SRRM3: variants seen among roughly 807,000 people sequenced by gnomAD.
The protein encoded by SRRM3 is serine/arginine repetitive matrix 3.
A neutral mutation model predicts 66.2 loss-of-function variants in SRRM3; 27 were observed. The observed-to-expected ratio is 0.41, with a 90% confidence interval of 0.30 to 0.56. SRRM3 has a LOEUF of 0.56. SRRM3 is among the 20% of genes least tolerant of loss of function. SRRM3 has a pLI of 0.32. For missense variants in SRRM3, 918 were observed against 991.9 expected (o/e 0.93, Z 1.00); for synonymous variants, 391 against 414.9 (o/e 0.94, Z 0.70).
At chr7:76,267,165 C>T (rs1180191084) in intron 10 of SRRM3, 93 bp from the exon 11 acceptor site, 10 of 1,219,420 alleles carry the variant, frequency 8.2e-6, no homozygotes, top group Admixed American at 3.9e-5. Flanking sequence ...CTCTCTTTCC[C>T]CGTGCTGGGG....
At chr7:76,276,841 G>A (rs782159399) in intron 11 of SRRM3, among the ~76,000 whole-genome samples, 20 of 152,122 alleles carry the variant, frequency 1.3e-4, no homozygotes, top group Non-Finnish European at 2.4e-4. Context: ...GGTGGACACC[G>A]CATAGGGTCC....
chr7:76,259,428 A>G (rs1801798197), intron 3 of SRRM3, among the ~76,000 whole-genome samples: 2 of 151,818 alleles, frequency 1.3e-5, no homozygotes, highest in Admixed American at 6.6e-5. Flanking sequence ...AATTTTTCAA[A>G]TTAGCCAGGG....
chr7:76,208,528 A>T (rs1279806847), intron 1 of SRRM3, among the ~76,000 whole-genome samples: 1 of 151,366 alleles, frequency 6.6e-6, no homozygotes, highest in East Asian at 1.9e-4. Flanking sequence ...AAGAAGAAGA[A>T]GAAAGAAAGA....
chr7:76,231,319 T>C (rs782041179), intron 1 of SRRM3, among the ~76,000 whole-genome samples: 4 of 152,126 alleles, frequency 2.6e-5, no homozygotes, highest in Non-Finnish European at 5.9e-5. Flanking sequence ...TTCACATAGC[T>C]CTCCTTTCCT....
rs537797136 is a variant in SRRM3, at chr7:76,244,027, G to A, written c.234-4161G>A. Among the ~76,000 whole-genome samples, 4 of 152,358 alleles carry A rather than the reference G, an allele frequency of 2.6e-5. No individual in the cohort carries two copies. In the South Asian group the frequency reaches 6.2e-4, roughly 24 times the overall value. On this transcript the variant is annotated intron_variant, in intron 2 of 14. Transcript: ENST00000611745. Reference sequence around the variant, plus strand: ...CCACACAGGGACTGAGGTGGACACTGAGGAGCCAGGGCCCTGAACTTGGTG... The same window carrying A: ...CCACACAGGGACTGAGGTGGACACTAAGGAGCCAGGGCCCTGAACTTGGTG...
At chr7:76,224,418 C>G (rs1022249559) in intron 1 of SRRM3, among the ~76,000 whole-genome samples, 18 of 142,374 alleles carry the variant, frequency 1.3e-4, no homozygotes, top group African/African-American at 4.7e-4. Flanking sequence ...TAACATCATT[C>G]TCTTCATGAA....
rs868948427 is a variant in SRRM3, at chr7:76,243,596, C to A, written c.234-4592C>A. ...GGTCTCCCTGAAACCCATTTGTGCC[C>A]ATTTCCCAGCCTTCCATGTGCCAAA... On this transcript the variant is annotated intron_variant, in intron 2 of 14. Transcript: ENST00000611745. Among the ~76,000 whole-genome samples, 5 of 152,164 alleles carry A rather than the reference C, an allele frequency of 3.3e-5. No individual in the cohort carries two copies. The South Asian group carries it at 8.3e-4, about 25-fold the overall frequency.
At chr7:76,251,188 A>G (rs571198698) in intron 3 of SRRM3, among the ~76,000 whole-genome samples, 13 of 152,292 alleles carry the variant, frequency 8.5e-5, no homozygotes, top group Middle Eastern at 3.4e-3. Context: ...CCACTTCCAC[A>G]TGCTCTTTGT....
At chr7:76,207,336 G>C (rs534663142) in intron 1 of SRRM3, among the ~76,000 whole-genome samples, 1 of 151,846 alleles carries the variant, frequency 6.6e-6, no homozygotes, top group Admixed American at 6.6e-5. Context: ...GAGAGAGAGA[G>C]AGAATGGCAT....
intron 11 of SRRM3, chr7:76,270,030 G>T (rs528181268): frequency 2.0e-5 from 3 of 151,806 alleles, no homozygotes; most frequent in Non-Finnish European, 2.9e-5. Context: ...AGTCAGCAGC[G>T]GCAGCAAATC....
At chr7:76,282,566 G>GGC in intron 12 of SRRM3, 82 bp from the exon 13 acceptor site, 1 of 338,694 alleles carries the variant, frequency 3.0e-6, no homozygotes, top group Non-Finnish European at 4.5e-6. Context: ...TCCGCCCTAA[G>GGC]CCCCGCCCCA....
chr7:76,228,176 G>C (rs574742008), intron 1 of SRRM3, among the ~76,000 whole-genome samples: 2 of 152,140 alleles, frequency 1.3e-5, no homozygotes, highest in South Asian at 2.1e-4. Context: ...GGGCAGAACT[G>C]CTTCATTTTT....
At chr7:76,205,000 C>T (rs534382538) in intron 1 of SRRM3, among the ~76,000 whole-genome samples, 1 of 151,910 alleles carries the variant, frequency 6.6e-6, no homozygotes, top group Admixed American at 6.6e-5. Flanking sequence ...TCAGTGAGTT[C>T]CCCCTCTTGA....
At chr7:76,283,225 G>T (rs1014477289) in intron 14 of SRRM3, 124 bp downstream of exon 14, 19 of 1,156,746 alleles carry the variant, frequency 1.6e-5, no homozygotes, top group East Asian at 6.4e-5. Context: ...GGATGGGGGG[G>T]GGTGCTAAGG....
At chr7:76,279,356 G>A (rs1802438463) in intron 11 of SRRM3, among the ~76,000 whole-genome samples, 1 of 151,970 alleles carries the variant, frequency 6.6e-6, no homozygotes, top group South Asian at 2.1e-4. Context: ...CAGAATCAAA[G>A]TTTTACTAGG....
intron 1 of SRRM3, among the ~76,000 whole-genome samples, chr7:76,228,099 A>G (rs1583883623): frequency 6.6e-6 from 1 of 151,800 alleles, no homozygotes; most frequent in Non-Finnish European, 1.5e-5. Flanking sequence ...CGAATTCCTG[A>G]CCTCAAGTGA....
At chr7:76,206,735 A>G (rs1448551516) in intron 1 of SRRM3, among the ~76,000 whole-genome samples, 1 of 152,164 alleles carries the variant, frequency 6.6e-6, no homozygotes, top group African/African-American at 2.4e-5. Flanking sequence ...TCGCCCCCCA[A>G]GGACTCCTTC....
chr7:76,274,251 A>T (rs1433945490), intron 11 of SRRM3, among the ~76,000 whole-genome samples: 2 of 152,248 alleles, frequency 1.3e-5, no homozygotes, highest in African/African-American at 4.8e-5. Flanking sequence ...CTACTGGGCC[A>T]AACGGAACTC....
intron 14 of SRRM3, 30 bp downstream of exon 14, chr7:76,283,131 G>T: frequency 7.2e-7 from 1 of 1,385,444 alleles, no homozygotes; most frequent in Non-Finnish European, 9.3e-7. Flanking sequence ...GGCCGGTGGC[G>T]CAGGGCTGGG....
Sources: allele counts gnomAD v4.1 joint callset (sites outside exome capture counted in the v4.1 genomes callset), GRCh38; gene constraint gnomAD v4.1.1; transcripts MANE v1.5; gene names NCBI Gene and HGNC (gene_info 2026-07-23, HGNC 2026-07-21).